CCDC7: variants seen among roughly 807,000 people sequenced by gnomAD.
The protein encoded by CCDC7 is coiled-coil domain-containing protein 7.
CCDC7 carries 183 observed loss-of-function variants against 196.9 expected under a neutral mutation model. The ratio of observed to expected loss-of-function variants is 0.93; its 90% CI spans 0.82 to 1.05. The LOEUF (loss-of-function observed/expected upper bound fraction) is 1.05. Among genes scored for constraint, CCDC7 ranks in the 50% least tolerant of loss-of-function variants. CCDC7 has a pLI of 0.00. For synonymous variants in CCDC7, 525 were observed against 484.6 expected (o/e 1.08, Z -1.10); for missense variants, 1,540 against 1,482.2 (o/e 1.04, Z -0.64).
At chr10:32,684,952 ATTTAATTTTT>A (rs996571985) in intron 21 of CCDC7, among the ~76,000 whole-genome samples, 6 of 45,262 alleles carry the variant, frequency 1.3e-4, no homozygotes, top group African/African-American at 4.1e-4. Context: ...TTGTGATTTA[ATTTAATTTTT>A]TTTTTTTTTG....
intron 20 of CCDC7, among the ~76,000 whole-genome samples, chr10:32,650,145 C>G (rs112287191): frequency 1.3e-5 from 2 of 152,212 alleles, no homozygotes; most frequent in East Asian, 3.9e-4. Context: ...GACTAGTATT[C>G]TTTTCATTGT....
intron 11 of CCDC7, among the ~76,000 whole-genome samples, chr10:32,520,207 G>C (rs2047670340): frequency 6.6e-6 from 1 of 152,120 alleles, no homozygotes; most frequent in South Asian, 2.1e-4. Flanking sequence ...TTGATATTCT[G>C]ATTTCCTATT....
chr10:32,602,661 G>A (rs2061178243), intron 18 of CCDC7, among the ~76,000 whole-genome samples: 1 of 151,992 alleles, frequency 6.6e-6, no homozygotes, highest in African/African-American at 2.4e-5. Context: ...CACTAATGAT[G>A]TGACCTTGGG....
At chr10:32,843,741 A>G (rs192122268) in intron 33 of CCDC7, among the ~76,000 whole-genome samples, 1 of 152,092 alleles carries the variant, frequency 6.6e-6, no homozygotes, top group Admixed American at 6.6e-5. Context: ...GAAATGAACC[A>G]TTCCTTCTTA....
intron 13 of CCDC7, among the ~76,000 whole-genome samples, chr10:32,564,436 T>C (rs2056398941): frequency 6.6e-6 from 1 of 152,140 alleles, no homozygotes; most frequent in Non-Finnish European, 1.5e-5. Flanking sequence ...ATTAAGAAAA[T>C]GTTGCACATA....
At chr10:32,496,577 T>G (rs2042948769) in intron 9 of CCDC7, among the ~76,000 whole-genome samples, 1 of 152,212 alleles carries the variant, frequency 6.6e-6, no homozygotes, top group African/African-American at 2.4e-5. Context: ...CAATACCTAG[T>G]TCATTGAGAA....
chr10:32,740,683 G>A (rs2085678396), intron 28 of CCDC7, among the ~76,000 whole-genome samples: 1 of 152,148 alleles, frequency 6.6e-6, no homozygotes, highest in East Asian at 1.9e-4. Flanking sequence ...CCAGCAGTGT[G>A]CATAATTTTA....
At chr10:32,557,929 G>A (rs1171912018) in intron 13 of CCDC7, among the ~76,000 whole-genome samples, 1 of 152,126 alleles carries the variant, frequency 6.6e-6, no homozygotes, top group Non-Finnish European at 1.5e-5. Flanking sequence ...CTGGCCTCAA[G>A]CAATCCTCCC....
chr10:32,611,602 G>A (rs2062142722), intron 18 of CCDC7, among the ~76,000 whole-genome samples: 1 of 152,134 alleles, frequency 6.6e-6, no homozygotes, highest in Non-Finnish European at 1.5e-5. Flanking sequence ...TTTGTATAAG[G>A]TGTAAGGAAG....
rs1592119619 is a variant in CCDC7 at position 32,729,193 on chromosome 10, A to G, written c.2780-139A>G. Reference sequence around the variant, plus strand: ...GTTGGTATTTGAATGGTCATTAATTATAAGTAGTATCACTGCCTCCACACA... The same window carrying G: ...GTTGGTATTTGAATGGTCATTAATTGTAAGTAGTATCACTGCCTCCACACA... On this transcript the variant is annotated intron_variant, in intron 27 of 41. Transcript: ENST00000639629. The G allele has an allele frequency of 8.8e-6, 8 of 909,728 alleles. No individual in the cohort carries two copies. In the South Asian group the frequency reaches 1.5e-4, roughly 17 times the overall value. 56.4% of individuals were successfully genotyped at this position (909,728 alleles called of 1,614,324 possible).
Position 32,797,498 on chromosome 10 carries a change from T to A in CCDC7, c.3014-7517T>A, listed in dbSNP as rs542539940. On this transcript the variant is annotated intron_variant, in intron 29 of 41. Transcript: ENST00000639629. ...AAGGCATAAGAATGACACAATGGAC[T>A]TTGGGGACTCAAAAGCAAAGGGTAG... 1.4e-4 allele frequency among the ~76,000 whole-genome samples: 21 copies of A among 152,020 alleles called. No homozygotes were observed. In the South Asian group the frequency reaches 1.5e-3, roughly 11 times the overall value.
intron 38 of CCDC7, 22 bp downstream of exon 39, chr10:32,847,938 C>G (rs2093376567): frequency 2.8e-6 from 4 of 1,428,080 alleles, no homozygotes; most frequent in Non-Finnish European, 3.9e-6. Context: ...AATTTTAAGT[C>G]TAATATTTAC....
chr10:32,698,810 C>A (rs1165292583), intron 24 of CCDC7, among the ~76,000 whole-genome samples: 1 of 152,152 alleles, frequency 6.6e-6, no homozygotes, highest in Non-Finnish European at 1.5e-5. Flanking sequence ...ACTTCCCCAA[C>A]CTAGCAAGGC....
intron 18 of CCDC7, among the ~76,000 whole-genome samples, chr10:32,594,030 A>G (rs1016470933): frequency 2.0e-5 from 3 of 152,116 alleles, no homozygotes; most frequent in African/African-American, 4.8e-5. Context: ...TTGGCAATGC[A>G]GGCTCTTTTT....
At chr10:32,593,289 C>G (rs1337533067) in intron 18 of CCDC7, among the ~76,000 whole-genome samples, 1 of 152,208 alleles carries the variant, frequency 6.6e-6, no homozygotes, top group African/African-American at 2.4e-5. Context: ...TTGCATTTCT[C>G]TGATGGCCAG....
At chr10:32,803,210 T>C (rs968303908) in intron 29 of CCDC7, among the ~76,000 whole-genome samples, 3 of 152,258 alleles carry the variant, frequency 2.0e-5, no homozygotes, top group Non-Finnish European at 4.4e-5. Flanking sequence ...TGAGAATGTG[T>C]ATTCAGTAGT....
chr10:32,685,840 G>T, intron 21 of CCDC7, 130 bp from the exon 23 acceptor site: 5 of 564,942 alleles, frequency 8.9e-6, no homozygotes, highest in Admixed American at 3.7e-5. Context: ...TATTATTATT[G>T]TAATTTAGTT....
At chr10:32,705,950 A>G (rs1403863588) in intron 24 of CCDC7, among the ~76,000 whole-genome samples, 1 of 152,126 alleles carries the variant, frequency 6.6e-6, no homozygotes, top group Non-Finnish European at 1.5e-5. Flanking sequence ...TCTTCAACTC[A>G]GCTCTGCACC....
intron 13 of CCDC7, among the ~76,000 whole-genome samples, chr10:32,554,884 A>G (rs1030707045): frequency 2.6e-5 from 4 of 152,158 alleles, no homozygotes; most frequent in African/African-American, 9.7e-5. Context: ...GCCTCTGATA[A>G]CCATCATTCT....
Sources: allele counts gnomAD v4.1 joint callset (sites outside exome capture counted in the v4.1 genomes callset), GRCh38; gene constraint gnomAD v4.1.1; transcripts MANE v1.5; gene names NCBI Gene and HGNC (gene_info 2026-07-23, HGNC 2026-07-21).